The following IGF1R variants were observed in gnomAD, a reference collection of about 807,000 sequenced individuals.
The protein encoded by IGF1R is insulin-like growth factor 1 receptor.
In IGF1R, 44 loss-of-function variants were observed where a neutral mutation model predicts 144.6. The observed-to-expected ratio is 0.30, with a 90% CI of 0.24 to 0.39. The LOEUF is 0.39. IGF1R is among the 10% of genes least tolerant of loss of function. The pLI is 1.00. For missense variants in IGF1R, 1,355 were observed against 1,833.7 expected (o/e 0.74, Z 4.77); for synonymous variants, 795 against 722.8 (o/e 1.10, Z -1.60).
intron 2 of IGF1R, among the ~76,000 whole-genome samples, chr15:98,846,805 T>C (rs2011346105): frequency 6.6e-6 from 1 of 152,222 alleles, no homozygotes; most frequent in Admixed American, 6.5e-5. Context: ...GCTTAAAGAA[T>C]CATTGCAATC....
intron 2 of IGF1R, among the ~76,000 whole-genome samples, chr15:98,731,509 G>A (rs528036448): frequency 1.3e-5 from 2 of 152,258 alleles, no homozygotes; most frequent in African/African-American, 4.8e-5. Flanking sequence ...GTGAATCGTC[G>A]TTGATAACTG....
Position 98,885,543 on chromosome 15 carries a change from A to G in IGF1R, c.641-5782A>G, listed in dbSNP as rs566517888. Among the ~76,000 whole-genome samples, 4 of 152,264 alleles carry G rather than the reference A, an allele frequency of 2.6e-5. No homozygotes were observed. In the South Asian group the frequency reaches 8.3e-4, roughly 32 times the overall value. On this transcript the variant is annotated intron_variant, in intron 2 of 20. Coordinates refer to ENST00000650285, the MANE Select transcript of IGF1R (RefSeq NM_000875.5). ...ACTTTCGTGAAGTTAGGAGCGGTTA[A>G]TCCTCCTGCACGAGGATGCATGCCT...
chr15:98,942,843 T>C lies in IGF1R; in HGVS notation c.3458-80T>C, dbSNP rs1299726749. The C allele has an allele frequency of 9.5e-6, 15 of 1,578,796 alleles. No individual in the cohort carries two copies. In the Admixed American group the frequency reaches 1.5e-4, roughly 16 times the overall value. On this transcript the variant is annotated intron_variant, in intron 18 of 20. Transcript: ENST00000650285. ...GTCTTGCCTTGCGTCTCTCCACACA[T>C]AATGAGTGTAGGGTCCTCTGCTGTG...
intron 2 of IGF1R, among the ~76,000 whole-genome samples, chr15:98,768,001 G>A (rs2055477849): frequency 1.3e-5 from 2 of 152,182 alleles, no homozygotes; most frequent in Admixed American, 1.3e-4. Context: ...TGAGTGGTGT[G>A]TGCCTCTAGC....
intron 1 of IGF1R, among the ~76,000 whole-genome samples, chr15:98,665,180 T>C (rs572084130): frequency 1.1e-4 from 16 of 152,320 alleles, no homozygotes; most frequent in African/African-American, 3.6e-4. Flanking sequence ...CTTGATCTCC[T>C]GACCTTGTGA....
chr15:98,648,968 T>G lies in IGF1R; in HGVS notation c.-614T>G. The stretch of plus-strand genomic sequence containing the variant: ...CCCGCCGCTTTGTGTGTGTCCTGGA[T>G]TTGGGAAGGAGCTCGCCGCGGCGGC... On this transcript the variant is annotated 5_prime_UTR_variant, in exon 1 of 21. Transcript: ENST00000650285. The G allele has an allele frequency of 7.2e-5, 14 of 193,834 alleles. No individual in the cohort carries two copies. The highest frequency in any genetic ancestry group is 1.2e-4 in the Non-Finnish European group (11 of 94,972). The allele number at this position is 193,834 out of a possible 1,614,324, so 12.0% of individuals were successfully genotyped here.
intron 2 of IGF1R, among the ~76,000 whole-genome samples, chr15:98,869,497 C>G (rs1421138146): frequency 4.6e-5 from 7 of 150,588 alleles, no homozygotes; most frequent in Non-Finnish European, 1.0e-4. Flanking sequence ...TGCAATGGCA[C>G]GATCTCCGGC....
intron 2 of IGF1R, among the ~76,000 whole-genome samples, chr15:98,835,137 A>T (rs959111423): frequency 6.8e-6 from 1 of 148,032 alleles, no homozygotes; most frequent in Non-Finnish European, 1.5e-5. Flanking sequence ...ACCCACCCCT[A>T]CACCCACACA....
chr15:98,936,331 G>A (rs1567210149), intron 17 of IGF1R, among the ~76,000 whole-genome samples: 1 of 152,182 alleles, frequency 6.6e-6, no homozygotes, highest in Non-Finnish European at 1.5e-5. Context: ...AGTCACCGTG[G>A]TGTCTCCCCC....
intron 2 of IGF1R, among the ~76,000 whole-genome samples, chr15:98,798,423 A>G (rs2056294620): frequency 6.6e-6 from 1 of 151,672 alleles, no homozygotes; most frequent in Non-Finnish European, 1.5e-5. Flanking sequence ...TTTGACTCTG[A>G]AAGGAGATGG....
chr15:98,665,561 T>A (rs1296494159), intron 1 of IGF1R, among the ~76,000 whole-genome samples: 1 of 152,186 alleles, frequency 6.6e-6, no homozygotes, highest in Non-Finnish European at 1.5e-5. Flanking sequence ...ATGAGGGATG[T>A]GAGTGGGACT....
At chr15:98,862,190 G>GAGC (rs1457537354) in intron 2 of IGF1R, among the ~76,000 whole-genome samples, 1 of 152,238 alleles carries the variant, frequency 6.6e-6, no homozygotes, top group Non-Finnish European at 1.5e-5. Context: ...AACATGCAGA[G>GAGC]AGCAGAAGCA....
chr15:98,951,195 T>C (rs945321669), intron 20 of IGF1R, among the ~76,000 whole-genome samples: 3 of 152,216 alleles, frequency 2.0e-5, no homozygotes, highest in Admixed American at 6.5e-5. Flanking sequence ...GGGGCTCCCA[T>C]TGTCCCATCA....
At chr15:98,853,620 G>T (rs1896945229) in intron 2 of IGF1R, among the ~76,000 whole-genome samples, 3 of 152,256 alleles carry the variant, frequency 2.0e-5, no homozygotes, top group Admixed American at 2.0e-4. Flanking sequence ...TAAAAAAGAT[G>T]ATCTTGAGGG....
chr15:98,733,804 C>T (rs1260909496), intron 2 of IGF1R, among the ~76,000 whole-genome samples: 3 of 152,166 alleles, frequency 2.0e-5, no homozygotes, highest in Non-Finnish European at 2.9e-5. Flanking sequence ...CTACTGAAAG[C>T]TGTCTTCGGG....
chr15:98,862,726 A>G (rs2012224974), intron 2 of IGF1R, among the ~76,000 whole-genome samples: 1 of 152,170 alleles, frequency 6.6e-6, no homozygotes, highest in African/African-American at 2.4e-5. Context: ...TATAGTTCAA[A>G]GGTCTTTTTC....
At chr15:98,901,628 A>G (rs2014486502) in intron 5 of IGF1R, among the ~76,000 whole-genome samples, 1 of 152,240 alleles carries the variant, frequency 6.6e-6, no homozygotes, top group Admixed American at 6.5e-5. Context: ...AGGACAGGAT[A>G]CGATAGTCAG....
intron 2 of IGF1R, among the ~76,000 whole-genome samples, chr15:98,837,070 C>T (rs906901479): frequency 6.6e-6 from 1 of 152,146 alleles, no homozygotes; most frequent in African/African-American, 2.4e-5. Context: ...GCAGATGTCT[C>T]GTTTCTCTTT....
chr15:98,812,203 T>C (rs1038266193), intron 2 of IGF1R, among the ~76,000 whole-genome samples: 3 of 152,162 alleles, frequency 2.0e-5, no homozygotes, highest in African/African-American at 7.2e-5. Flanking sequence ...GCTCTTGGGA[T>C]GCGGCTGAAG....
Sources: gnomAD v4.1 joint callset for allele counts (sites outside exome capture counted in the v4.1 genomes callset) on GRCh38, gnomAD v4.1.1 for gene constraint, MANE v1.5 for transcripts, NCBI Gene and HGNC (gene_info 2026-07-23, HGNC 2026-07-21) for gene names.